The following MYL1 variants were observed in gnomAD, a reference collection of about 807,000 sequenced individuals.
MYL1 encodes myosin light chain 1.
A neutral mutation model predicts 21.8 loss-of-function variants in MYL1; 16 were observed. The observed-to-expected ratio is 0.74, with a 90% CI of 0.50 to 1.12. The LOEUF is 1.12. Among genes scored for constraint, MYL1 ranks in the 50% most tolerant of loss-of-function variants. MYL1 has a pLI of 0.00. For missense variants in MYL1, 246 were observed against 241.0 expected, an observed-to-expected ratio of 1.02 and a Z score of -0.14; for synonymous variants, 99 against 85.2, an observed-to-expected ratio of 1.16 and a Z score of -0.89.
intron 5 of MYL1, among the ~76,000 whole-genome samples, chr2:210,292,660 C>T (rs184456497): frequency 2.6e-5 from 4 of 151,764 alleles, no homozygotes; most frequent in African/African-American, 9.7e-5. Flanking sequence ...TTTTCAATGC[C>T]GTCTGGTTTT....
intron 1 of MYL1, among the ~76,000 whole-genome samples, chr2:210,304,111 T>C (rs2125742629): frequency 6.6e-6 from 1 of 152,324 alleles, no homozygotes; most frequent in East Asian, 1.9e-4. Flanking sequence ...GAAAAGGCCA[T>C]GCACATTCTG....
chr2:210,300,880 G>A (rs1690254977), intron 2 of MYL1, among the ~76,000 whole-genome samples: 3 of 151,882 alleles, frequency 2.0e-5, no homozygotes, highest in Admixed American at 2.0e-4. Context: ...CACTAAACAA[G>A]GAAACAAACT....
chr2:210,308,310 T>C (rs1482779609), intron 1 of MYL1, among the ~76,000 whole-genome samples: 1 of 150,014 alleles, frequency 6.7e-6, no homozygotes, highest in Non-Finnish European at 1.5e-5. Context: ...ATTTTGGAAG[T>C]CTTAGGAGTT....
At position 210,315,010 on chromosome 2, in the gene MYL1, C is replaced by T; in HGVS notation, c.33G>A (p.Val11=). 1 of 1,604,978 alleles carries T rather than the reference C, an allele frequency of 6.2e-7. No homozygotes were observed. Among genetic ancestry groups the T allele is most frequent in the Non-Finnish European group, 8.5e-7 (1 of 1,177,732 alleles). ...GGGCTGGGGCAGCCGCAGCCGCAGCCACAGGTTTCTTCACGTCTTTCTTTG... is the reference window on the plus strand; with the variant it reads ...GGGCTGGGGCAGCCGCAGCCGCAGCTACAGGTTTCTTCACGTCTTTCTTTG... MAPKKDVKKP[V]AAAAAAPAPA... Residue 11 remains valine, a synonymous_variant, in exon 1 of 7, where the codon GTG becomes GTA. Transcript: ENST00000352451.
intron 3 of MYL1, among the ~76,000 whole-genome samples, chr2:210,295,843 AG>A (rs979923781): frequency 1.3e-5 from 2 of 151,042 alleles, no homozygotes; most frequent in African/African-American, 4.9e-5. Context: ...AAAAAAAAAA[AG>A]AAAGAAAGAA....
intron 1 of MYL1, among the ~76,000 whole-genome samples, chr2:210,305,283 A>T (rs1478832124): frequency 6.6e-6 from 1 of 152,260 alleles, no homozygotes; most frequent in African/African-American, 2.4e-5. Flanking sequence ...ATACAATTTT[A>T]AAATTATTAG....
chr2:210,293,034 CTCT>C (rs1409516666), intron 5 of MYL1, among the ~76,000 whole-genome samples: 1 of 117,070 alleles, frequency 8.5e-6, no homozygotes, highest in African/African-American at 2.9e-5. Flanking sequence ...TCATTCTCTT[CTCT>C]TCTTTGTTTT....
At chr2:210,302,734 C>A in intron 1 of MYL1, 1 of 1,561,062 alleles carries the variant, frequency 6.4e-7, no homozygotes, top group East Asian at 2.4e-5. Flanking sequence ...AGTGCTGTGC[C>A]TACATCTGTA....
At chr2:210,306,380 CA>C (rs370261153) in intron 1 of MYL1, among the ~76,000 whole-genome samples, 44,986 of 117,426 alleles carry the variant, frequency 0.38, 6,776 homozygotes, top group Admixed American at 0.51. Context: ...GACTCCATCT[CA>C]AAAAAAAAAA....
chr2:210,298,400 TG>T lies in MYL1; in HGVS notation c.304+19del, dbSNP rs772438912. On this transcript the variant is annotated intron_variant, in intron 3 of 6. Transcript: ENST00000352451. The stretch of plus-strand genomic sequence containing the variant: ...CACTTCCCTATACTTCCACACTTCT[TG>T]GAAAAATTGATGGGTTACCTTCATT... 1 of 1,609,488 alleles carries T rather than the reference TG, an allele frequency of 6.2e-7. No homozygotes were observed.
Position 210,298,454 on chromosome 2 carries a change from C to G in MYL1, c.270G>C (p.Glu90Asp). ...TGGGGTTTCCCAGAACTTTCCTGAC[C>G]TCTGCATTGGTGGGATTTGTGCCCA... ...RALGTNPTNA[E>D]VRKVLGNPSN... The change falls in exon 3 of 7, where the codon GAG becomes GAC. Residue 90 changes from glutamate (E) to aspartate (D), a missense_variant. By Grantham distance (45) the Glu-to-Asp change is conservative (BLOSUM62 2). Transcript: ENST00000352451. 1 of 1,613,944 alleles carries G rather than the reference C, an allele frequency of 6.2e-7. No individual in the cohort carries two copies. The highest frequency in any genetic ancestry group is 8.5e-7 in the Non-Finnish European group (1 of 1,179,946).
intron 1 of MYL1, chr2:210,303,674 A>T: frequency 1.5e-6 from 2 of 1,369,598 alleles, no homozygotes; most frequent in Non-Finnish European, 2.0e-6. Flanking sequence ...CCTCACAGCT[A>T]GCATCAGGTT....
intron 2 of MYL1, among the ~76,000 whole-genome samples, chr2:210,299,332 T>C (rs1272575813): frequency 6.6e-6 from 1 of 152,124 alleles, no homozygotes; most frequent in Non-Finnish European, 1.5e-5. Flanking sequence ...TCACATGCAG[T>C]TCTAAGAAAT....
chr2:210,307,766 G>A (rs1690358579), intron 1 of MYL1, among the ~76,000 whole-genome samples: 1 of 152,076 alleles, frequency 6.6e-6, no homozygotes, highest in Non-Finnish European at 1.5e-5. Flanking sequence ...ACTTTGAGAA[G>A]CATCTTTCTA....
chr2:210,315,131 G>T lies in MYL1; in HGVS notation c.-89C>A. 2 of 1,511,004 alleles carry T rather than the reference G, an allele frequency of 1.3e-6. No homozygotes were observed. Among genetic ancestry groups the T allele is most frequent in the Non-Finnish European group, 1.8e-6 (2 of 1,118,484 alleles). The allele number at this position is 1,511,004 out of a possible 1,614,324, so 93.6% of individuals were successfully genotyped here. ...ATTCTTGGAAGAGGAGTGGTGGTTG[G>T]GTTGATCCACAGCCCAGTGTCTTGA... is the stretch of plus-strand genomic sequence containing the variant. On this transcript the variant is annotated 5_prime_UTR_variant, in exon 1 of 7. Coordinates refer to ENST00000352451, the MANE Select transcript of MYL1 (RefSeq NM_079420.3).
chr2:210,310,459 A>C (rs1690402438), intron 1 of MYL1, among the ~76,000 whole-genome samples: 1 of 152,214 alleles, frequency 6.6e-6, no homozygotes, highest in Admixed American at 6.5e-5. Flanking sequence ...CTGATAGCAA[A>C]AATTGAAGGT....
intron 1 of MYL1, among the ~76,000 whole-genome samples, chr2:210,303,290 T>C (rs971374357): frequency 5.3e-5 from 8 of 152,200 alleles, no homozygotes; most frequent in Non-Finnish European, 2.9e-5. Context: ...ATGAATCTTA[T>C]GTGATACAGC....
chr2:210,294,667 T>C (rs992424519), intron 3 of MYL1, among the ~76,000 whole-genome samples: 4 of 152,192 alleles, frequency 2.6e-5, no homozygotes, highest in Non-Finnish European at 5.9e-5. Flanking sequence ...AACCTTTTTG[T>C]GCCTCAAGTT....
At chr2:210,294,958 C>T (rs1021587291) in intron 3 of MYL1, among the ~76,000 whole-genome samples, 1 of 152,096 alleles carries the variant, frequency 6.6e-6, no homozygotes, top group Non-Finnish European at 1.5e-5. Context: ...TTCTTTAAAT[C>T]CTTTCTTTAA....
Sources: gnomAD v4.1 joint callset for allele counts (sites outside exome capture counted in the v4.1 genomes callset) on GRCh38, gnomAD v4.1.1 for gene constraint, MANE v1.5 for transcripts, NCBI Gene and HGNC (gene_info 2026-07-23, HGNC 2026-07-21) for gene names.